Variants in PHF3 observed in about 807,000 individuals in gnomAD.
PHF3 encodes PHD finger protein 3.
In PHF3, 41 loss-of-function variants were observed where a neutral mutation model predicts 178.4. The ratio of observed to expected loss-of-function variants is 0.23; its 90% CI spans 0.18 to 0.30. PHF3 has a LOEUF of 0.30. PHF3 is among the 10% of genes least tolerant of loss of function. The probability of loss-of-function intolerance (pLI) is 1.00; values close to 1 mark genes in which losing one functional copy is unlikely to be tolerated. For synonymous variants in PHF3, 842 were observed against 800.5 expected (o/e 1.05, Z -0.88); for missense variants, 2,346 against 2,398.1 (o/e 0.98, Z 0.45).
At position 63,719,038 on chromosome 6, in the gene PHF3, C is replaced by T. The variant is rs1768275403; in HGVS notation, c.*5330C>T. ...AAGTGGTTTCCGTTAAAAAAACAAA[C>T]CTTTGAATCAATGTGTAAACATTCT... On this transcript the variant is annotated 3_prime_UTR_variant, in exon 16 of 16. Transcript: ENST00000262043. Among the ~76,000 whole-genome samples, 1 of 151,928 alleles carries T rather than the reference C, an allele frequency of 6.6e-6. No individual in the cohort carries two copies. Among genetic ancestry groups the T allele is most frequent in the Admixed American group, 6.6e-5 (1 of 15,218 alleles).
At chr6:63,659,096 A>C (rs1765359407) in intron 2 of PHF3, among the ~76,000 whole-genome samples, 1 of 152,130 alleles carries the variant, frequency 6.6e-6, no homozygotes, top group Admixed American at 6.6e-5. Flanking sequence ...GTTTGACCAG[A>C]TATTGGGGAA....
rs145710061 is a variant in PHF3 at position 63,722,606 on chromosome 6, A to T, written c.*8898A>T. On this transcript the variant is annotated 3_prime_UTR_variant, in exon 16 of 16. Transcript: ENST00000262043. ...TGTAAGATTGCTTGAAGAGGATAGC[A>T]AAATGACTTATTAATAATGAACCAC... is the stretch of plus-strand genomic sequence containing the variant. Among the ~76,000 whole-genome samples, 69 of 152,364 alleles carry T rather than the reference A, an allele frequency of 4.5e-4. No homozygotes were observed. Among genetic ancestry groups the T allele is most frequent in the African/African-American group, 1.6e-3 (68 of 41,588 alleles).
intron 2 of PHF3, among the ~76,000 whole-genome samples, chr6:63,649,964 AT>A (rs1362423310): frequency 6.6e-6 from 1 of 152,150 alleles, no homozygotes; most frequent in East Asian, 1.9e-4. Flanking sequence ...AGAAATGTTT[AT>A]TTTATCTCTC....
chr6:63,705,465 G>A (rs1409827774), intron 11 of PHF3, among the ~76,000 whole-genome samples: 2 of 152,164 alleles, frequency 1.3e-5, no homozygotes, highest in African/African-American at 4.8e-5. Context: ...GTTCTCATAG[G>A]GGTGCAAACC....
At chr6:63,667,358 A>G (rs1294806040) in intron 2 of PHF3, among the ~76,000 whole-genome samples, 3 of 152,184 alleles carry the variant, frequency 2.0e-5, no homozygotes, top group African/African-American at 7.2e-5. Flanking sequence ...TATTTTGAAA[A>G]TTTAAAACAT....
intron 2 of PHF3, among the ~76,000 whole-genome samples, chr6:63,669,881 A>C (rs924432578): frequency 6.6e-6 from 1 of 152,166 alleles, no homozygotes; most frequent in Non-Finnish European, 1.5e-5. Flanking sequence ...TTTTCTCATT[A>C]AGTTATGACC....
intron 4 of PHF3, among the ~76,000 whole-genome samples, chr6:63,690,377 A>G (rs114521675): frequency 1.4e-4 from 21 of 152,306 alleles, no homozygotes; most frequent in African/African-American, 4.8e-4. Context: ...TAGTGGTTTT[A>G]TACACAATAG....
Position 63,719,864 on chromosome 6 carries a change from A to C in PHF3, c.*6156A>C, listed in dbSNP as rs1389441700. ...AGGCTTCTGCACTACTCTTCTCTCC[A>C]GAGGCAACCATTTTTAATTCTTTTA... On this transcript the variant is annotated 3_prime_UTR_variant, in exon 16 of 16. Coordinates refer to ENST00000262043, the MANE Select transcript of PHF3 (RefSeq NM_001370348.2). 1.3e-5 allele frequency: 2 copies of C among 152,092 alleles called. No individual in the cohort carries two copies. The highest frequency in any genetic ancestry group is 2.9e-5 in the Non-Finnish European group (2 of 67,966). 9.4% of individuals were successfully genotyped at this position (152,092 alleles called of 1,614,324 possible).
intron 2 of PHF3, among the ~76,000 whole-genome samples, chr6:63,662,276 C>T (rs1278203923): frequency 6.6e-6 from 1 of 152,160 alleles, no homozygotes; most frequent in Non-Finnish European, 1.5e-5. Flanking sequence ...ATTTTGGGGT[C>T]CTCTTTAATG....
At position 63,706,040 on chromosome 6, in the gene PHF3, C is replaced by T. The variant is rs1261629985; in HGVS notation, c.3379C>T (p.Pro1127Ser). ...NCKICIGRMAPPVDDLSPKKV... is the reference protein window; with the variant it reads ...NCKICIGRMASPVDDLSPKKV... ...TATTCTGGGCTTAGGTCGAATGGCA[C>T]CACCTGTAGATGATCTTTCTCCAAA... The change falls in exon 12 of 16, where the codon CCA becomes TCA. Residue 1127 changes from proline to serine, a missense_variant. Pro to Ser is a moderately conservative substitution (Grantham distance 74). This residue lies in a region of PHF3 where 205 missense variants were observed against 212.4 expected (regional missense o/e 0.97). Coordinates refer to ENST00000262043, the MANE Select transcript of PHF3 (RefSeq NM_001370348.2). 1.9e-6 allele frequency: 3 copies of T among 1,611,516 alleles called. No individual in the cohort carries two copies. The highest frequency in any genetic ancestry group is 1.7e-5 in the Admixed American group (1 of 59,688).
chr6:63,669,779 G>C (rs2149566453), intron 2 of PHF3, among the ~76,000 whole-genome samples: 1 of 152,258 alleles, frequency 6.6e-6, no homozygotes, highest in South Asian at 2.1e-4. Flanking sequence ...AAGATAACAG[G>C]AAGCATTTAC....
chr6:63,714,417 A>G lies in PHF3; in HGVS notation c.*709A>G, dbSNP rs1441478271. 6.6e-6 allele frequency: 1 copy of G among 152,494 alleles called. No individual in the cohort carries two copies. Among genetic ancestry groups the G allele is most frequent in the African/African-American group, 2.4e-5 (1 of 41,400 alleles). The allele number at this position is 152,494 out of a possible 1,614,324, so 9.4% of individuals were successfully genotyped here. A position where few individuals can be genotyped will look rare whatever the true frequency, so the allele number is the denominator to read the frequency against. On this transcript the variant is annotated 3_prime_UTR_variant, in exon 16 of 16. Coordinates refer to ENST00000262043, the MANE Select transcript of PHF3 (RefSeq NM_001370348.2). ...GTAAAATGTAAATATTTTAAGGGATATTTTGATTCTAAATATGATAAAATA... is the reference window on the plus strand; with the variant it reads ...GTAAAATGTAAATATTTTAAGGGATGTTTTGATTCTAAATATGATAAAATA...
At chr6:63,647,603 CTT>C (rs922069454) in intron 2 of PHF3, among the ~76,000 whole-genome samples, 4 of 151,718 alleles carry the variant, frequency 2.6e-5, no homozygotes, top group Non-Finnish European at 4.4e-5. Context: ...ACATATGTGT[CTT>C]ATATTTCTGT....
intron 2 of PHF3, among the ~76,000 whole-genome samples, chr6:63,656,346 A>T (rs752936907): frequency 1.3e-5 from 2 of 152,166 alleles, no homozygotes; most frequent in Non-Finnish European, 2.9e-5. Flanking sequence ...TGTATCTCTG[A>T]TAGTTTTTGT....
rs1427089260 is a variant in PHF3 at position 63,684,593 on chromosome 6, A to G, written c.871A>G (p.Lys291Glu). Residue 291 changes from lysine (K) to glutamate (E), a missense_variant, in exon 4 of 16, where the codon AAA (lysine) becomes GAA (glutamate). By Grantham distance (56) the Lys-to-Glu change is moderately conservative. Transcript: ENST00000262043. ...VGSPLFKFSD[K>E]EEHEQNDSIS... Reference sequence around the variant, plus strand: ...TAGTCCATTGTTTAAGTTTTCAGATAAAGAAGAACATGAACAAAATGATTC... The same window carrying G: ...TAGTCCATTGTTTAAGTTTTCAGATGAAGAAGAACATGAACAAAATGATTC... 6.2e-6 allele frequency: 10 copies of G among 1,613,976 alleles called. No individual in the cohort carries two copies. The East Asian group carries it at 1.3e-4, about 22-fold the overall frequency.
chr6:63,637,936 A>G (rs993758231), intron 1 of PHF3, among the ~76,000 whole-genome samples: 2 of 152,180 alleles, frequency 1.3e-5, no homozygotes, highest in African/African-American at 4.8e-5. Flanking sequence ...AGAAAAATAT[A>G]GTTTATTTTA....
chr6:63,691,690 T>C, intron 4 of PHF3, 47 bp from the exon 5 acceptor site: 1 of 1,449,016 alleles, frequency 6.9e-7, no homozygotes. Context: ...ACATAGATTT[T>C]CTTGTTAAAA....
At chr6:63,680,285 C>G (rs1229958274) in intron 3 of PHF3, 124 bp downstream of exon 3, 4 of 815,616 alleles carry the variant, frequency 4.9e-6, no homozygotes, top group African/African-American at 1.7e-5. Context: ...GTTTTGATGG[C>G]AATCAGTTTT....
chr6:63,637,431 C>G (rs1458246018), intron 1 of PHF3, among the ~76,000 whole-genome samples: 1 of 152,152 alleles, frequency 6.6e-6, no homozygotes, highest in African/African-American at 2.4e-5. Flanking sequence ...CATGTTGAGT[C>G]AAAGCACCAG....
Sources: allele counts gnomAD v4.1 joint callset (sites outside exome capture counted in the v4.1 genomes callset), GRCh38; gene constraint gnomAD v4.1.1; regional missense constraint gnomAD v4.1.1; transcripts MANE v1.5; gene names NCBI Gene and HGNC (gene_info 2026-07-23, HGNC 2026-07-21).